Variants in ERP44 observed in about 807,000 individuals in gnomAD.
The protein encoded by ERP44 is endoplasmic reticulum resident protein 44.
Under a neutral mutation model 53.4 loss-of-function variants are expected in ERP44, and 25 were observed. The ratio of observed to expected loss-of-function variants is 0.47; its 90% confidence interval spans 0.34 to 0.65. The LOEUF (loss-of-function observed/expected upper bound fraction) is 0.65. Ranked by LOEUF, ERP44 falls within the 30% of genes least tolerant of loss-of-function variation. The pLI is 0.01. For synonymous variants in ERP44, 145 were observed against 161.2 expected (o/e 0.90, Z 0.76); for missense variants, 338 against 493.2 (o/e 0.69, Z 2.98).
chr9:100,049,983 A>G (rs1826019125), intron 4 of ERP44, among the ~76,000 whole-genome samples: 1 of 152,062 alleles, frequency 6.6e-6, no homozygotes, highest in African/African-American at 2.4e-5. Context: ...CCACTAAATA[A>G]TAAGAAATAA....
chr9:100,016,551 G>A, intron 7 of ERP44, 113 bp from the exon 8 acceptor site: 1 of 1,375,002 alleles, frequency 7.3e-7, no homozygotes. Flanking sequence ...ACCCAGGCTG[G>A]AGTACAGTGA....
At chr9:100,026,120 C>A (rs1830648669) in intron 4 of ERP44, among the ~76,000 whole-genome samples, 1 of 152,180 alleles carries the variant, frequency 6.6e-6, no homozygotes, top group African/African-American at 2.4e-5. Flanking sequence ...CCTGCAGTTG[C>A]AGATTTAGGG....
intron 4 of ERP44, 89 bp from the exon 5 acceptor site, chr9:100,022,315 T>C (rs1035768364): frequency 2.9e-6 from 3 of 1,045,234 alleles, no homozygotes; most frequent in Non-Finnish European, 4.0e-6. Context: ...AATTGCTTAG[T>C]GAGAACTTTT....
intron 3 of ERP44, among the ~76,000 whole-genome samples, chr9:100,055,056 A>G (rs1488272233): frequency 6.6e-6 from 1 of 152,178 alleles, no homozygotes; most frequent in Non-Finnish European, 1.5e-5. Context: ...GCATACCTGA[A>G]TTTAAATCCC....
chr9:100,095,791 T>C (rs1415237174), intron 1 of ERP44, among the ~76,000 whole-genome samples: 1 of 152,132 alleles, frequency 6.6e-6, no homozygotes, highest in Non-Finnish European at 1.5e-5. Context: ...TTAATCAAAC[T>C]GCATGCCTCC....
chr9:100,037,269 A>C (rs1320570219), intron 4 of ERP44, among the ~76,000 whole-genome samples: 4 of 152,304 alleles, frequency 2.6e-5, no homozygotes, highest in African/African-American at 9.6e-5. Flanking sequence ...GCTGACGCCC[A>C]CACATGGAGG....
intron 1 of ERP44, among the ~76,000 whole-genome samples, chr9:100,061,564 G>A (rs546789043): frequency 7.9e-5 from 11 of 139,700 alleles, no homozygotes; most frequent in South Asian, 6.5e-4. Context: ...TTATAGAAAC[G>A]TATATATTTA....
intron 7 of ERP44, among the ~76,000 whole-genome samples, chr9:100,017,900 G>A (rs1312688599): frequency 2.0e-5 from 3 of 152,094 alleles, no homozygotes; most frequent in East Asian, 3.9e-4. Flanking sequence ...AGTACAATAC[G>A]GGTAGAAGTG....
chr9:100,055,298 G>C (rs1174514379), intron 3 of ERP44, among the ~76,000 whole-genome samples: 1 of 152,130 alleles, frequency 6.6e-6, no homozygotes, highest in African/African-American at 2.4e-5. Flanking sequence ...GAGTAAAACT[G>C]GAATGTTTGT....
intron 8 of ERP44, among the ~76,000 whole-genome samples, chr9:100,008,625 T>C (rs2118635305): frequency 6.6e-6 from 1 of 152,344 alleles, no homozygotes; most frequent in Middle Eastern, 3.4e-3. Context: ...AACTGGGACC[T>C]ATTTTACAGG....
chr9:100,055,093 C>A (rs535928182), intron 3 of ERP44, among the ~76,000 whole-genome samples: 1 of 152,184 alleles, frequency 6.6e-6, no homozygotes, highest in South Asian at 2.1e-4. Flanking sequence ...AGCCATATGA[C>A]CCTTCTGAGC....
chr9:100,013,158 A>T (rs74505154), intron 8 of ERP44, among the ~76,000 whole-genome samples: 1,724 of 152,302 alleles, frequency 0.011, 26 homozygotes, highest in African/African-American at 0.038. Flanking sequence ...AATCTTGGAG[A>T]ATTCACATAT....
At position 100,022,063 on chromosome 9, in the gene ERP44, T is replaced by C. The variant is rs1157670929; in HGVS notation, c.450A>G (p.Leu150=). ...TTACATCAAGAGTGGTGATTTCTGCTAAGTCCCGAATTTCTTGAATGGGGT... is the reference window on the plus strand; with the variant it reads ...TTACATCAAGAGTGGTGATTTCTGCCAAGTCCCGAATTTCTTGAATGGGGT... ...KSDPIQEIRD[L]AEITTLDRSK... Residue 150 remains leucine, a synonymous_variant, in exon 5 of 12, where the codon TTA becomes TTG. Transcript: ENST00000262455. 5 of 1,613,232 alleles carry C rather than the reference T, an allele frequency of 3.1e-6. No individual in the cohort carries two copies. Among genetic ancestry groups the C allele is most frequent in the Non-Finnish European group, 4.2e-6 (5 of 1,179,748 alleles).
intron 1 of ERP44, among the ~76,000 whole-genome samples, chr9:100,067,889 C>A (rs1325672271): frequency 2.1e-5 from 3 of 141,166 alleles, no homozygotes; most frequent in East Asian, 2.1e-4. Context: ...AGCCGCCCCG[C>A]CTGAGAAGTG....
chr9:100,091,242 G>C (rs1437807847), intron 1 of ERP44, among the ~76,000 whole-genome samples: 1 of 152,176 alleles, frequency 6.6e-6, no homozygotes, highest in African/African-American at 2.4e-5. Context: ...GATGAATGTG[G>C]TGACCACAAT....
intron 1 of ERP44, 85 bp downstream of exon 1, chr9:100,098,699 G>C: frequency 9.0e-7 from 1 of 1,116,740 alleles, no homozygotes; most frequent in Non-Finnish European, 1.4e-6. Context: ...CGGAAAAGCA[G>C]GGGCAGGAGT....
chr9:100,046,343 A>T (rs1825969553), intron 4 of ERP44, among the ~76,000 whole-genome samples: 1 of 152,214 alleles, frequency 6.6e-6, no homozygotes, highest in South Asian at 2.1e-4. Flanking sequence ...AAAGATATTA[A>T]GTGGAAGAGG....
rs1830121729 is a variant in ERP44, at chr9:99,979,252, T to C, written c.*3360A>G. The C allele has an allele frequency of 6.6e-6, 1 of 151,678 alleles. No homozygotes were observed. The highest frequency in any genetic ancestry group is 2.4e-5 in the African/African-American group (1 of 41,336). 9.4% of individuals were successfully genotyped at this position (151,678 alleles called of 1,614,324 possible). A position where few individuals can be genotyped will look rare whatever the true frequency, so the allele number is the denominator to read the frequency against. ...TCCTTGTAGGAGAAAAAAAACTGAG[T>C]TATTCTGTTCTTCCTGATTGTCAAT... is the stretch of plus-strand genomic sequence containing the variant. On this transcript the variant is annotated 3_prime_UTR_variant, in exon 12 of 12. Transcript: ENST00000262455.
intron 4 of ERP44, among the ~76,000 whole-genome samples, chr9:100,043,291 AGAT>A (rs1825931848): frequency 1.3e-5 from 1 of 74,864 alleles, no homozygotes; most frequent in Admixed American, 2.0e-4. Flanking sequence ...AAAAAAAAAA[AGAT>A]AAATAAGACA....
Sources: gnomAD v4.1 joint callset for allele counts (sites outside exome capture counted in the v4.1 genomes callset) on GRCh38, gnomAD v4.1.1 for gene constraint, MANE v1.5 for transcripts, NCBI Gene and HGNC (gene_info 2026-07-23, HGNC 2026-07-21) for gene names.